The following OR51B5 variants were observed in gnomAD, a reference collection of about 807,000 sequenced individuals.
The protein encoded by OR51B5 is olfactory receptor 51B5.
For missense variants in OR51B5, 456 were observed against 374.6 expected, an observed-to-expected ratio of 1.22 and a Z score of -1.79; for synonymous variants, 186 against 144.8, an observed-to-expected ratio of 1.28 and a Z score of -2.04.
intron 1 of OR51B5, among the ~76,000 whole-genome samples, chr11:5,475,373 T>C (rs1225920452): frequency 1.3e-5 from 2 of 152,202 alleles, no homozygotes; most frequent in Non-Finnish European, 2.9e-5. Context: ...CTCCTTTCAG[T>C]TCCTCGAAGA....
chr11:5,369,934 C>A (rs17356535), intron 1 of OR51B5, among the ~76,000 whole-genome samples: 1 of 152,204 alleles, frequency 6.6e-6, no homozygotes, highest in African/African-American at 2.4e-5. Flanking sequence ...AAGACATTTT[C>A]TCAGGATTTT....
chr11:5,462,593 G>A (rs998802511), intron 1 of OR51B5, among the ~76,000 whole-genome samples: 9 of 152,150 alleles, frequency 5.9e-5, no homozygotes, highest in African/African-American at 1.7e-4. Flanking sequence ...TTTAAAAAAC[G>A]ACAAATGGCA....
At chr11:5,381,157 GTT>G (rs976283779) in intron 1 of OR51B5, among the ~76,000 whole-genome samples, 1 of 44,602 alleles carries the variant, frequency 2.2e-5, no homozygotes, top group Non-Finnish European at 7.0e-5. Context: ...CTCGCTCGCT[GTT>G]TCTCTCTCTC....
exon 1 of OR51B5, chr11:5,342,661 TATAGGATTC>T: frequency 2.5e-6 from 4 of 1,613,866 alleles, no homozygotes; most frequent in Non-Finnish European, 3.4e-6. Flanking sequence ...CACTATATGT[TATAGGATTC>T]ATTAGTGGAG....
At chr11:5,438,191 T>A (rs1850618245) in intron 1 of OR51B5, among the ~76,000 whole-genome samples, 1 of 152,082 alleles carries the variant, frequency 6.6e-6, no homozygotes, top group Non-Finnish European at 1.5e-5. Context: ...AGGCAGGGCT[T>A]TGAGAAGTCA....
intron 1 of OR51B5, among the ~76,000 whole-genome samples, chr11:5,368,471 ACT>A (rs1849406770): frequency 1.3e-5 from 2 of 152,184 alleles, no homozygotes; most frequent in Non-Finnish European, 2.9e-5. Context: ...TGCTATTATT[ACT>A]ATAATCATCA....
intron 1 of OR51B5, among the ~76,000 whole-genome samples, chr11:5,483,655 A>G (rs1177426573): frequency 6.6e-6 from 1 of 151,652 alleles, no homozygotes; most frequent in Non-Finnish European, 1.5e-5. Flanking sequence ...ATTCCCTTGA[A>G]AACTCACTGG....
intron 1 of OR51B5, among the ~76,000 whole-genome samples, chr11:5,491,650 C>A (rs1438491392): frequency 1.3e-5 from 2 of 152,150 alleles, no homozygotes; most frequent in East Asian, 3.8e-4. Context: ...TCAGGCTCCA[C>A]TGAAATAGTG....
intron 1 of OR51B5, chr11:5,391,689 T>C (rs1238302711): frequency 1.3e-5 from 2 of 152,236 alleles, no homozygotes; most frequent in Non-Finnish European, 2.9e-5. Context: ...AGTTCTACTT[T>C]ACTCAGGCCC....
intron 1 of OR51B5, chr11:5,390,962 C>T (rs1849786011): frequency 1.3e-5 from 2 of 152,792 alleles, no homozygotes; most frequent in Admixed American, 1.3e-4. Context: ...TGTGCTCTCT[C>T]CTGACCATAT....
At chr11:5,396,501 G>T (rs1024138662) in intron 1 of OR51B5, among the ~76,000 whole-genome samples, 1 of 151,810 alleles carries the variant, frequency 6.6e-6, no homozygotes, top group Admixed American at 6.6e-5. Context: ...CAACTTACAA[G>T]GGATGTGAAG....
rs1849990651 is a variant in OR51B5 at position 5,402,751 on chromosome 11, T to C, written n.85-55841A>G. The C allele has an allele frequency of 1.1e-5, 5 of 471,476 alleles. No homozygotes were observed. The Middle Eastern group carries it at 9.7e-4, about 92-fold the overall frequency. 29.2% of individuals were successfully genotyped at this position (471,476 alleles called of 1,614,324 possible). On this transcript the variant is annotated intron_variant and non_coding_transcript_variant, in intron 1 of 4. Coordinates refer to the OR51B5 transcript ENST00000415970. The stretch of plus-strand genomic sequence containing the variant: ...GGGAATGGCATCATTCTTCACGTCA[T>C]CAGAACAGATATTGCCCTACATCAA...
chr11:5,405,924 A>C (rs1589978602), intron 1 of OR51B5, among the ~76,000 whole-genome samples: 1 of 152,316 alleles, frequency 6.6e-6, no homozygotes, highest in East Asian at 1.9e-4. Context: ...ATGGAAACCA[A>C]GCAAGTAAAT....
upstream of OR51B5, among the ~76,000 whole-genome samples, chr11:5,347,275 T>G (rs1849007861): frequency 6.6e-6 from 1 of 152,194 alleles, no homozygotes. Flanking sequence ...TTGGCCTATG[T>G]AACCTGAATT....
intron 1 of OR51B5, among the ~76,000 whole-genome samples, chr11:5,383,339 C>T (rs12363241): frequency 0.13 from 19,372 of 151,886 alleles, 1,357 homozygotes; most frequent in Non-Finnish European, 0.16. Flanking sequence ...TAATTATCTG[C>T]AGTAAATGGA....
At position 5,378,693 on chromosome 11, in the gene OR51B5, C is replaced by A. The variant is rs567206921; in HGVS notation, n.85-31783G>T. Among the ~76,000 whole-genome samples the A allele has an allele frequency of 5.9e-5, 9 of 152,228 alleles. No individual in the cohort carries two copies. The East Asian group carries it at 1.5e-3, about 26-fold the overall frequency. ...TCTCAAAAGAAAACATTTATGCAAC[C>A]AAAAGACACATGAAAAAATGCTCAT... On this transcript the variant is annotated intron_variant and non_coding_transcript_variant, in intron 1 of 4. Coordinates refer to the OR51B5 transcript ENST00000415970.
At chr11:5,387,928 G>T (rs1326332797) in intron 1 of OR51B5, among the ~76,000 whole-genome samples, 3 of 151,998 alleles carry the variant, frequency 2.0e-5, no homozygotes, top group African/African-American at 7.3e-5. Context: ...TTTTGTCTCT[G>T]TTCTGTTTCT....
chr11:5,488,887 C>T (rs199526639), intron 1 of OR51B5: 73 of 1,613,932 alleles, frequency 4.5e-5, no homozygotes, highest in Non-Finnish European at 5.8e-5. Context: ...TCTTCATGCA[C>T]CTATGTACCT....
chr11:5,502,616 T>C (rs1229308060), intron 1 of OR51B5, among the ~76,000 whole-genome samples: 1 of 152,214 alleles, frequency 6.6e-6, no homozygotes, highest in African/African-American at 2.4e-5. Context: ...AAGAATGTGG[T>C]CTCTAGAAAG....
Sources: gnomAD v4.1 joint callset for allele counts (sites outside exome capture counted in the v4.1 genomes callset) on GRCh38, gnomAD v4.1.1 for gene constraint, MANE v1.5 for transcripts, NCBI Gene and HGNC (gene_info 2026-07-23, HGNC 2026-07-21) for gene names.